The following HTR3B variants were observed in gnomAD, a reference collection of about 807,000 sequenced individuals.
The protein encoded by HTR3B is 5-hydroxytryptamine receptor 3B, also known as 5-hydroxytryptamine (serotonin) receptor 3B, ionotropic.
HTR3B carries 44 observed loss-of-function variants against 42.8 expected under a neutral mutation model. The ratio of observed to expected loss-of-function variants is 1.03; its 90% CI spans 0.81 to 1.32. The LOEUF (loss-of-function observed/expected upper bound fraction) is 1.32, where lower values mean the gene tolerates loss of function less well. Among genes scored for constraint, HTR3B ranks in the 40% most tolerant of loss-of-function variants. The pLI is 0.00. For synonymous variants in HTR3B, 203 were observed against 209.0 expected (o/e 0.97, Z 0.25); for missense variants, 527 against 536.5 (o/e 0.98, Z 0.17).
chr11:113,942,833 T>C, intron 6 of HTR3B, 149 bp from the exon 7 acceptor site: 9 of 674,666 alleles, frequency 1.3e-5, no homozygotes, highest in Non-Finnish European at 2.3e-5. Context: ...AAAAGTAACC[T>C]GAAACATATT....
At chr11:113,928,041 C>G (rs531312641) in intron 2 of HTR3B, among the ~76,000 whole-genome samples, 128 of 152,250 alleles carry the variant, frequency 8.4e-4, no homozygotes, top group African/African-American at 2.9e-3. Context: ...CCCCAAAACC[C>G]CACCCTGACA....
At chr11:113,909,607 A>G in intron 2 of HTR3B, 152 bp downstream of exon 2, 2 of 658,080 alleles carry the variant, frequency 3.0e-6, no homozygotes, top group Non-Finnish European at 5.1e-6. Flanking sequence ...TAGGTAAAAT[A>G]TTCATTAGGC....
At chr11:113,902,457 G>A (rs751192293), upstream of HTR3B, among the ~76,000 whole-genome samples, 29 of 151,730 alleles carry the variant, frequency 1.9e-4, no homozygotes, top group Non-Finnish European at 3.4e-4. Context: ...CCACCGTGCC[G>A]GGCTAATTTT....
chr11:113,945,914 A>G lies in HTR3B; in HGVS notation c.1103A>G (p.Tyr368Cys), dbSNP rs1189441193. The G allele has an allele frequency of 3.7e-6, 6 of 1,613,742 alleles. No homozygotes were observed. In the African/African-American group the frequency reaches 5.3e-5, roughly 14 times the overall value. ...CTCCATCACACAGAGTCCTCGCTGT[A>G]TGGAGAGCACCTGGCCCAGCCAGGA... is the stretch of plus-strand genomic sequence containing the variant. ...QRAVVTESSL[Y>C]GEHLAQPGTL... The change falls in exon 9 of 9, where the codon TAT (tyrosine) becomes TGT (cysteine). Residue 368 changes from tyrosine (Y) to cysteine (C), a missense_variant. Physicochemically the swap from Tyr to Cys is radical, Grantham distance 194 (BLOSUM62 -2). Coordinates refer to ENST00000260191, the MANE Select transcript of HTR3B (RefSeq NM_006028.5).
In HTR3B at chr11:113,944,783, C is replaced by T. The variant is rs368216388; in HGVS notation, c.1090+28C>T. On this transcript the variant is annotated intron_variant, in intron 8 of 8. Transcript: ENST00000260191. ...GTGTGAGAAGCCTTGTGTTTCTCCC[C>T]CGTCTGGATTGATCACCTTAAAAAT... The T allele has an allele frequency of 2.2e-5, 36 of 1,600,808 alleles. No individual in the cohort carries two copies. The South Asian group carries it at 3.9e-4, about 17-fold the overall frequency.
intron 4 of HTR3B, 40 bp from the exon 5 acceptor site, chr11:113,932,249 A>G (rs780136884): frequency 1.9e-6 from 3 of 1,543,698 alleles, no homozygotes; most frequent in Admixed American, 3.5e-5. Context: ...AATGACCAAC[A>G]TCCTCTCTGT....
intron 2 of HTR3B, among the ~76,000 whole-genome samples, chr11:113,909,754 A>C (rs1314518500): frequency 6.6e-6 from 1 of 152,134 alleles, no homozygotes; most frequent in African/African-American, 2.4e-5. Flanking sequence ...AGGCCAAGGT[A>C]GGCAGATCAC....
At chr11:113,920,072 A>G (rs1488752173) in intron 2 of HTR3B, among the ~76,000 whole-genome samples, 24 of 151,876 alleles carry the variant, frequency 1.6e-4, no homozygotes, top group Admixed American at 1.6e-3. Flanking sequence ...CTTGTTGCCC[A>G]GGCTGGGGTG....
chr11:113,940,492 G>A (rs947004977), intron 6 of HTR3B, among the ~76,000 whole-genome samples: 1 of 152,220 alleles, frequency 6.6e-6, no homozygotes, highest in Non-Finnish European at 1.5e-5. Context: ...AGCTAGAGGG[G>A]TGCAGGCTGA....
chr11:113,915,246 T>C (rs1352018033), intron 2 of HTR3B, among the ~76,000 whole-genome samples: 4 of 152,188 alleles, frequency 2.6e-5, no homozygotes, highest in African/African-American at 7.2e-5. Flanking sequence ...CTCTGTTACT[T>C]AGGCTGGAGT....
In HTR3B at chr11:113,948,580, A is replaced by G. The variant is rs1950196291; in HGVS notation, c.*2443A>G. Among the ~76,000 whole-genome samples, 1 of 152,210 alleles carries G rather than the reference A, an allele frequency of 6.6e-6. No individual in the cohort carries two copies. The highest frequency in any genetic ancestry group is 1.5e-5 in the Non-Finnish European group (1 of 68,042). On this transcript the variant is annotated 3_prime_UTR_variant, in exon 9 of 9. Coordinates refer to ENST00000260191, the MANE Select transcript of HTR3B (RefSeq NM_006028.5). ...TATTGAACAATGCTTTGAAAAGTAAATAATGGGGCGTGGTGGCTCACGCCT... is the reference window on the plus strand; with the variant it reads ...TATTGAACAATGCTTTGAAAAGTAAGTAATGGGGCGTGGTGGCTCACGCCT...
At chr11:113,941,062 A>G (rs1477718915) in intron 6 of HTR3B, among the ~76,000 whole-genome samples, 1 of 152,188 alleles carries the variant, frequency 6.6e-6, no homozygotes, top group Non-Finnish European at 1.5e-5. Flanking sequence ...AGAGGCTATT[A>G]CCTACCAAGT....
chr11:113,902,303 T>G (rs1371722316), upstream of HTR3B, among the ~76,000 whole-genome samples: 2 of 152,172 alleles, frequency 1.3e-5, no homozygotes, highest in Admixed American at 6.5e-5. Context: ...TTTTGTTTTT[T>G]TTTTCTTTTC....
chr11:113,940,884 C>T (rs535125257), intron 6 of HTR3B, among the ~76,000 whole-genome samples: 3 of 152,174 alleles, frequency 2.0e-5, no homozygotes, highest in South Asian at 2.1e-4. Context: ...GGAGAAGAAC[C>T]CTGCACTCAA....
intron 2 of HTR3B, among the ~76,000 whole-genome samples, chr11:113,919,718 C>T (rs1949893244): frequency 6.6e-6 from 1 of 151,826 alleles, no homozygotes; most frequent in Non-Finnish European, 1.5e-5. Context: ...ATCCCAGCTA[C>T]TTGGGAGACC....
chr11:113,909,600 G>A, intron 2 of HTR3B, 145 bp downstream of exon 2: 1 of 675,742 alleles, frequency 1.5e-6, no homozygotes, highest in East Asian at 2.7e-5. Flanking sequence ...TAGCAGTTAG[G>A]TAAAATATTC....
chr11:113,932,235 T>C (rs1950042705), intron 4 of HTR3B, 54 bp from the exon 5 acceptor site: 2 of 1,467,556 alleles, frequency 1.4e-6, no homozygotes, highest in South Asian at 2.4e-5. Context: ...AGCCTATGTT[T>C]TGAAATGACC....
At position 113,946,033 on chromosome 11, in the gene HTR3B, C is replaced by T. The variant is rs1226404585; in HGVS notation, c.1222C>T (p.Leu408Phe). 1 of 1,614,040 alleles carries T rather than the reference C, an allele frequency of 6.2e-7. No homozygotes were observed. Among genetic ancestry groups the T allele is most frequent in the Non-Finnish European group, 8.5e-7 (1 of 1,179,988 alleles). Residue 408 changes from leucine (L) to phenylalanine (F), a missense_variant, in exon 9 of 9, where the codon CTC (leucine) becomes TTC (phenylalanine). Physicochemically the swap from Leu to Phe is conservative, Grantham distance 22. Transcript: ENST00000260191. ...CCAACAGGAGGCAGAGTGGCTGGTCCTCCTGTCCCGCTTTGACCGACTGCT... is the reference window on the plus strand; with the variant it reads ...CCAACAGGAGGCAGAGTGGCTGGTCTTCCTGTCCCGCTTTGACCGACTGCT... ...TDQQEAEWLV[L>F]LSRFDRLLFQ...
At chr11:113,914,616 GA>G (rs1176736885) in intron 2 of HTR3B, among the ~76,000 whole-genome samples, 50 of 151,824 alleles carry the variant, frequency 3.3e-4, no homozygotes, top group Admixed American at 8.5e-4. Flanking sequence ...CCAAGTAGCT[GA>G]GATTACAGGT....
Sources: allele counts gnomAD v4.1 joint callset (sites outside exome capture counted in the v4.1 genomes callset), GRCh38; gene constraint gnomAD v4.1.1; transcripts MANE v1.5; gene names NCBI Gene and HGNC (gene_info 2026-07-23, HGNC 2026-07-21).